XXYLT1: variants seen among roughly 807,000 people sequenced by gnomAD.
The protein encoded by XXYLT1 is UDP-xylose:alpha-xyloside alpha-1,3-xylosyltransferase.
Under a neutral mutation model 28.9 loss-of-function variants are expected in XXYLT1, and 20 were observed. That is an observed-to-expected ratio of 0.69 (90% CI 0.49 to 1.00). XXYLT1 has a LOEUF of 1.00. XXYLT1 is among the 50% of genes least tolerant of loss of function. XXYLT1 has a pLI of 0.00. For synonymous variants in XXYLT1, 257 were observed against 253.8 expected, an observed-to-expected ratio of 1.01 and a Z score of -0.12; for missense variants, 542 against 560.1, an observed-to-expected ratio of 0.97 and a Z score of 0.33.
In XXYLT1 at chr3:195,180,706, A is replaced by C. The variant is rs916931532; in HGVS notation, c.653-24125T>G. On this transcript the variant is annotated intron_variant, in intron 2 of 3. Coordinates refer to ENST00000310380, the MANE Select transcript of XXYLT1 (RefSeq NM_152531.5). The surrounding 1 kb of genome is among the most constrained non-coding windows in gnomAD (Gnocchi z 5.8). ...CTGACAGCTCTGGACACACACAAGC[A>C]GACGGGAAAGGCGCCTGCCCACTGC... 2.2e-4 allele frequency among the ~76,000 whole-genome samples: 33 copies of C among 152,266 alleles called. No homozygotes were observed. Among genetic ancestry groups the C allele is most frequent in the Admixed American group, 2.0e-3 (31 of 15,292 alleles).
intron 2 of XXYLT1, among the ~76,000 whole-genome samples, chr3:195,169,445 G>A (rs748221596): frequency 1.8e-4 from 27 of 152,338 alleles, no homozygotes; most frequent in African/African-American, 6.0e-4. Flanking sequence ...AAAGGTGTGC[G>A]TACAGGGAGG....
intron 1 of XXYLT1, among the ~76,000 whole-genome samples, chr3:195,252,659 G>A (rs573142525): frequency 6.9e-6 from 1 of 144,076 alleles, no homozygotes; most frequent in Non-Finnish European, 1.5e-5. Context: ...ATCAAGGAAG[G>A]TTCCTGGGAA....
intron 1 of XXYLT1, among the ~76,000 whole-genome samples, chr3:195,234,138 C>T (rs1264407184): frequency 6.7e-6 from 1 of 150,312 alleles, no homozygotes; most frequent in African/African-American, 2.5e-5. Flanking sequence ...AGGATGGTCT[C>T]GATCTCCTGA....
chr3:195,213,858 AT>A (rs1371443062), intron 2 of XXYLT1, among the ~76,000 whole-genome samples: 3 of 152,156 alleles, frequency 2.0e-5, no homozygotes, highest in African/African-American at 2.4e-5. Flanking sequence ...CACTATTCCC[AT>A]TTTACAGACA....
At chr3:195,270,518 G>A (rs1301058915) in intron 1 of XXYLT1, 37 bp downstream of exon 1, 4 of 1,359,850 alleles carry the variant, frequency 2.9e-6, no homozygotes, top group Non-Finnish European at 3.8e-6. Context: ...GATGGGGTGG[G>A]CCACCCACCG....
chr3:195,210,864 T>C lies in XXYLT1; in HGVS notation c.652+15845A>G, dbSNP rs1422256739. The stretch of plus-strand genomic sequence containing the variant: ...CCTGAATGTCTGTTTTTTCCTTTGC[T>C]TTCTTCCACACCAAGAACCCCTGCT... On this transcript the variant is annotated intron_variant, in intron 2 of 3. Transcript: ENST00000310380. The surrounding 1 kb of genome is among the most constrained non-coding windows in gnomAD (Gnocchi z 4.8). 6.6e-6 allele frequency among the ~76,000 whole-genome samples: 1 copy of C among 152,228 alleles called. No homozygotes were observed. The highest frequency in any genetic ancestry group is 1.5e-5 in the Non-Finnish European group (1 of 68,038).
intron 2 of XXYLT1, among the ~76,000 whole-genome samples, chr3:195,170,020 T>G (rs1457117675): frequency 3.2e-5 from 1 of 31,582 alleles, no homozygotes; most frequent in African/African-American, 1.2e-4. Flanking sequence ...CCCGGCTAAT[T>G]TTGTATTTTT....
chr3:195,112,064 A>C (rs1460693106), intron 3 of XXYLT1, among the ~76,000 whole-genome samples: 1 of 152,198 alleles, frequency 6.6e-6, no homozygotes, highest in Non-Finnish European at 1.5e-5. Flanking sequence ...TGCTAATATC[A>C]ATCAGTACAT....
rs1332600314 is a variant in XXYLT1, at chr3:195,192,658, T to C, written c.652+34051A>G. ...ATGTAATACCCACAGACAATTGTCA[T>C]ATGTAAATTGTGAGAGACTGAATCC... On this transcript the variant is annotated intron_variant, in intron 2 of 3. Transcript: ENST00000310380. Among the ~76,000 whole-genome samples the C allele has an allele frequency of 4.6e-5, 7 of 152,196 alleles. No individual in the cohort carries two copies. In the South Asian group the frequency reaches 1.2e-3, roughly 27 times the overall value.
chr3:195,183,005 T>C (rs1352261114), intron 2 of XXYLT1, among the ~76,000 whole-genome samples: 4 of 152,238 alleles, frequency 2.6e-5, no homozygotes, highest in South Asian at 2.1e-4. Context: ...TTCTTTTCTA[T>C]AAAGCCTTGT....
At chr3:195,135,796 A>G (rs73206650) in intron 3 of XXYLT1, among the ~76,000 whole-genome samples, 18,930 of 152,140 alleles carry the variant, frequency 0.12, 1,353 homozygotes, top group East Asian at 0.27. Context: ...GGATAAATGG[A>G]TGGACGGATG....
intron 2 of XXYLT1, among the ~76,000 whole-genome samples, chr3:195,167,905 C>A (rs1195073353): frequency 6.6e-6 from 1 of 152,132 alleles, no homozygotes; most frequent in East Asian, 1.9e-4. Context: ...AGCAATGACC[C>A]GCTTAGAAAA....
intron 2 of XXYLT1, among the ~76,000 whole-genome samples, chr3:195,160,108 AAT>A (rs1398631870): frequency 2.0e-5 from 3 of 152,206 alleles, no homozygotes; most frequent in Non-Finnish European, 4.4e-5. Flanking sequence ...AGAAGAAAAA[AAT>A]AGTGAGCCTT....
intron 3 of XXYLT1, among the ~76,000 whole-genome samples, chr3:195,113,453 G>A (rs1244552880): frequency 6.6e-6 from 1 of 152,128 alleles, no homozygotes; most frequent in Non-Finnish European, 1.5e-5. Context: ...TAGGTAGTAC[G>A]CTTATCCTTA....
At chr3:195,230,504 G>A (rs920499290) in intron 1 of XXYLT1, among the ~76,000 whole-genome samples, 12 of 152,144 alleles carry the variant, frequency 7.9e-5, no homozygotes, top group South Asian at 4.1e-4. Flanking sequence ...TCTTTTGGTA[G>A]TGTCATAATT....
intron 1 of XXYLT1, among the ~76,000 whole-genome samples, chr3:195,237,755 C>T (rs1044610367): frequency 6.6e-6 from 1 of 152,124 alleles, no homozygotes; most frequent in South Asian, 2.1e-4. Flanking sequence ...AAAATGTCTT[C>T]ATGCTTCTCT....
chr3:195,182,445 G>A (rs1721998205), intron 2 of XXYLT1, among the ~76,000 whole-genome samples: 1 of 152,256 alleles, frequency 6.6e-6, no homozygotes, highest in African/African-American at 2.4e-5. Flanking sequence ...CATCCTAAAG[G>A]TTCTAAGTCT....
chr3:195,135,596 G>A (rs924788338), intron 3 of XXYLT1, among the ~76,000 whole-genome samples: 2 of 152,206 alleles, frequency 1.3e-5, no homozygotes, highest in South Asian at 2.1e-4. Context: ...TCAGCACCAG[G>A]AGGCTGAGAC....
At chr3:195,088,461 G>A (rs1451395816) in intron 3 of XXYLT1, among the ~76,000 whole-genome samples, 1 of 143,780 alleles carries the variant, frequency 7.0e-6, no homozygotes, top group Non-Finnish European at 1.5e-5. Context: ...CTGCAGCTGA[G>A]GGTCCTGTCT....
Sources: gnomAD v4.1 joint callset for allele counts (sites outside exome capture counted in the v4.1 genomes callset) on GRCh38, gnomAD v4.1.1 for gene constraint, Gnocchi (gnomAD v3.1) non-coding constraint, MANE v1.5 for transcripts, NCBI Gene and HGNC (gene_info 2026-07-23, HGNC 2026-07-21) for gene names.